AGAP5: variants seen among roughly 807,000 people sequenced by gnomAD.
AGAP5 encodes arf-GAP with GTPase, ANK repeat and PH domain-containing protein 5.
In AGAP5, 8 loss-of-function variants were observed where a neutral mutation model predicts 27.7. That is an observed-to-expected ratio of 0.29 (90% CI 0.17 to 0.52). The LOEUF is 0.52. Among genes scored for constraint, AGAP5 ranks in the 20% least tolerant of loss-of-function variants. The pLI, the probability that AGAP5 is intolerant of heterozygous loss-of-function variation, is 0.97. For synonymous variants in AGAP5, 111 were observed against 338.0 expected, an observed-to-expected ratio of 0.33 and a Z score of 7.37; for missense variants, 285 against 880.8, an observed-to-expected ratio of 0.32 and a Z score of 8.56.
Position 73,690,000 on chromosome 10 carries a change from C to G in AGAP5, c.396+2043G>C, listed in dbSNP as rs1292087226. Among the ~76,000 whole-genome samples the G allele has an allele frequency of 4.6e-5, 7 of 151,798 alleles. No homozygotes were observed. The South Asian group carries it at 6.2e-4, about 14-fold the overall frequency. On this transcript the variant is annotated intron_variant, in intron 4 of 7. Transcript: ENST00000374094. Reference sequence around the variant, plus strand: ...GGAGGGAGGTGGGGGGTCAGCCCCCCGCCTGGCCAGCCGCCCTGTCCGGGA... The same window carrying G: ...GGAGGGAGGTGGGGGGTCAGCCCCCGGCCTGGCCAGCCGCCCTGTCCGGGA...
chr10:73,690,972 G>A (rs1402261976), intron 4 of AGAP5, among the ~76,000 whole-genome samples: 8 of 152,212 alleles, frequency 5.3e-5, no homozygotes, highest in Admixed American at 5.2e-4. Flanking sequence ...TTCGCAGATG[G>A]AAAATATCTT....
chr10:73,691,147 C>T (rs1489703030), intron 4 of AGAP5, among the ~76,000 whole-genome samples: 4 of 152,196 alleles, frequency 2.6e-5, no homozygotes, highest in Admixed American at 1.3e-4. Flanking sequence ...GATAAACTAA[C>T]GTAGGCTAGG....
rs1354901894 is a variant in AGAP5 at position 73,697,876 on chromosome 10, G to T, written c.-121C>A. On this transcript the variant is annotated 5_prime_UTR_variant, in exon 1 of 8. Coordinates refer to ENST00000374094, the MANE Select transcript of AGAP5 (RefSeq NM_001144000.4). The stretch of plus-strand genomic sequence containing the variant: ...GAGATGGTCTTCCCGCTCCTCGCCT[G>T]CCCACCTCACAGCGCGGCCCCGGGC... 106 of 1,544,030 alleles carry T rather than the reference G, an allele frequency of 6.9e-5. No individual in the cohort carries two copies. The highest frequency in any genetic ancestry group is 8.7e-5 in the Non-Finnish European group (100 of 1,151,162).
chr10:73,696,209 C>T (rs1354936098), intron 2 of AGAP5, among the ~76,000 whole-genome samples: 17 of 151,918 alleles, frequency 1.1e-4, no homozygotes, highest in African/African-American at 3.4e-4. Context: ...GTAGAGACAG[C>T]GTTTCACCAT....
At position 73,697,188 on chromosome 10, in the gene AGAP5, A is replaced by C. The variant is rs551093948; in HGVS notation, c.224-25T>G. 3.8e-6 allele frequency: 6 copies of C among 1,593,298 alleles called. No individual in the cohort carries two copies. The African/African-American group carries it at 8.0e-5, about 21-fold the overall frequency. On this transcript the variant is annotated intron_variant, in intron 1 of 7. Coordinates refer to ENST00000374094, the MANE Select transcript of AGAP5 (RefSeq NM_001144000.4). ...GCTATATGTATAGAGGGAGAAAAGAAAAAAGATGTAATCATTTATAAAAAT... is the reference window on the plus strand; with the variant it reads ...GCTATATGTATAGAGGGAGAAAAGACAAAAGATGTAATCATTTATAAAAAT...
Position 73,675,178 on chromosome 10 carries a change from C to T in AGAP5, c.1482G>A (p.Leu494=). The T allele has an allele frequency of 6.2e-7, 1 of 1,603,510 alleles. No individual in the cohort carries two copies. The highest frequency in any genetic ancestry group is 1.1e-5 in the South Asian group (1 of 90,752). Residue 494 remains leucine (L), a synonymous_variant, in exon 8 of 8, where the codon TTG becomes TTA. Coordinates refer to ENST00000374094, the MANE Select transcript of AGAP5 (RefSeq NM_001144000.4). ...AGCATTCAATACACATGAGGACTCCCAAGTTCAAACTGGCCCACTTAGGAT... is the reference window on the plus strand; with the variant it reads ...AGCATTCAATACACATGAGGACTCCTAAGTTCAAACTGGCCCACTTAGGAT... The part of the protein sequence containing the change: ...TQNPKWASLN[L]GVLMCIECSG...
chr10:73,693,109 G>T (rs1479999126), intron 3 of AGAP5, among the ~76,000 whole-genome samples: 1 of 152,092 alleles, frequency 6.6e-6, no homozygotes, highest in Non-Finnish European at 1.5e-5. Context: ...ATGCTGGAAG[G>T]GCCTTGTAGG....
intron 5 of AGAP5, chr10:73,681,419 T>G: frequency 2.0e-6 from 2 of 985,488 alleles, no homozygotes; most frequent in Non-Finnish European, 2.4e-6. Context: ...CTTGCATAAG[T>G]GATCTCAGCG....
chr10:73,689,899 A>C, intron 4 of AGAP5, among the ~76,000 whole-genome samples: 1 of 149,198 alleles, frequency 6.7e-6, no homozygotes, highest in African/African-American at 2.5e-5. Flanking sequence ...CCCGTCCGGG[A>C]GGTGAGGGGC....
intron 4 of AGAP5, among the ~76,000 whole-genome samples, chr10:73,690,506 G>A (rs1212776032): frequency 1.3e-5 from 2 of 151,018 alleles, no homozygotes; most frequent in Non-Finnish European, 2.9e-5. Context: ...AGGAAAACCA[G>A]AGACCTTTGT....
Position 73,693,586 on chromosome 10 carries a change from C to T in AGAP5, c.361+1150G>A, listed in dbSNP as rs2082136819. ...TTATTGTGCCCACCTATAGTCCCAACTACTCGGGAGGCTGAGGCAGGAGAA... is the reference window on the plus strand; with the variant it reads ...TTATTGTGCCCACCTATAGTCCCAATTACTCGGGAGGCTGAGGCAGGAGAA... On this transcript the variant is annotated intron_variant, in intron 3 of 7. Coordinates refer to ENST00000374094, the MANE Select transcript of AGAP5 (RefSeq NM_001144000.4). Among the ~76,000 whole-genome samples, 4 of 151,660 alleles carry T rather than the reference C, an allele frequency of 2.6e-5. No homozygotes were observed. In the South Asian group the frequency reaches 6.2e-4, roughly 24 times the overall value.
Position 73,675,376 on chromosome 10 carries a change from A to C in AGAP5, c.1284T>G (p.Tyr428Ter), listed in dbSNP as rs752003919. The C allele has an allele frequency of 6.2e-7, 1 of 1,613,710 alleles. No homozygotes were observed. Among genetic ancestry groups the C allele is most frequent in the Non-Finnish European group, 8.5e-7 (1 of 1,180,010 alleles). The change falls in exon 8 of 8, where the codon TAT (tyrosine) becomes TAG (stop). Residue 428 changes from tyrosine to a stop codon, truncating the protein, a stop_gained. Coordinates refer to ENST00000374094, the MANE Select transcript of AGAP5 (RefSeq NM_001144000.4). LOFTEE classifies it low-confidence loss of function (END_TRUNC). Reference protein sequence around the residue: ...GQTWHFEATTYEERDAWVQAI... With the variant: ...GQTWHFEATT Reference sequence around the variant, plus strand: ...CTTGGACCCAGGCATCCCGCTCCTCATACGTCGTGGCTTCAAAGTGCCATG... The same window carrying C: ...CTTGGACCCAGGCATCCCGCTCCTCCTACGTCGTGGCTTCAAAGTGCCATG...
intron 4 of AGAP5, among the ~76,000 whole-genome samples, chr10:73,690,318 G>T (rs1381361674): frequency 6.6e-6 from 1 of 152,180 alleles, no homozygotes; most frequent in Non-Finnish European, 1.5e-5. Flanking sequence ...CCCCAACCCT[G>T]TGCTCTCTGA....
chr10:73,691,437 CTT>C (rs924118108), intron 4 of AGAP5, among the ~76,000 whole-genome samples: 98 of 151,190 alleles, frequency 6.5e-4, no homozygotes, highest in African/African-American at 2.4e-3. Context: ...TGGCAATTAA[CTT>C]AGCTATTCTA....
intron 4 of AGAP5, among the ~76,000 whole-genome samples, chr10:73,690,082 C>T (rs552955486): frequency 3.9e-5 from 6 of 152,340 alleles, no homozygotes; most frequent in South Asian, 2.1e-4. Flanking sequence ...CCCCTCTTCC[C>T]GGCCACCACC....
intron 7 of AGAP5, among the ~76,000 whole-genome samples, chr10:73,676,448 T>C (rs1689382765): frequency 1.4e-5 from 2 of 142,354 alleles, no homozygotes; most frequent in South Asian, 4.5e-4. Flanking sequence ...ATCGCGCGAT[T>C]GCACTCCAGC....
intron 4 of AGAP5, among the ~76,000 whole-genome samples, chr10:73,690,494 C>T (rs2082108092): frequency 6.6e-6 from 1 of 151,878 alleles, no homozygotes; most frequent in Admixed American, 6.6e-5. Context: ...GGTCCTCTGC[C>T]TAGGAAAACC....
At chr10:73,679,131 GTGTGAAC>G (rs1464894767) in intron 6 of AGAP5, among the ~76,000 whole-genome samples, 1 of 141,132 alleles carries the variant, frequency 7.1e-6, no homozygotes. Context: ...GGGATTACAG[GTGTGAAC>G]CACTGCGCCC....
Position 73,675,599 on chromosome 10 carries a change from G to A in AGAP5, c.1061C>T (p.Pro354Leu), listed in dbSNP as rs1317950147. 1 of 1,614,264 alleles carries A rather than the reference G, an allele frequency of 6.2e-7. No homozygotes were observed. Reference protein sequence around the residue: ...WPSLATSACAPISSSKSNGLS... With the variant: ...WPSLATSACALISSSKSNGLS... ...GCCATTGCTTTTAGAGCTGGAGATG[G>A]GTGCACAGGCCGATGTGGCTAGGGA... Residue 354 changes from proline (P) to leucine (L), a missense_variant, in exon 8 of 8, where the codon CCC (proline) becomes CTC (leucine). Pro to Leu is a moderately conservative substitution (Grantham distance 98, BLOSUM62 -3). Transcript: ENST00000374094.
Sources: allele counts gnomAD v4.1 joint callset (sites outside exome capture counted in the v4.1 genomes callset), GRCh38; gene constraint gnomAD v4.1.1; transcripts MANE v1.5; gene names NCBI Gene and HGNC (gene_info 2026-07-23, HGNC 2026-07-21).